The following PTPRD variants were observed in gnomAD, a reference collection of about 807,000 sequenced individuals.
PTPRD encodes the protein receptor-type tyrosine-protein phosphatase delta.
Under a neutral mutation model 214.5 loss-of-function variants are expected in PTPRD, and 34 were observed. That is an observed-to-expected ratio of 0.16 (90% CI 0.12 to 0.21). The LOEUF is 0.21. PTPRD is among the 10% of genes least tolerant of loss of function. PTPRD has a pLI of 1.00. For missense variants in PTPRD, 2,545 were observed against 2,398.7 expected, an observed-to-expected ratio of 1.06 and a Z score of -1.27; for synonymous variants, 1,128 against 845.7, an observed-to-expected ratio of 1.33 and a Z score of -5.79.
At chr9:9,092,504 T>A (rs531038198) in intron 10 of PTPRD, among the ~76,000 whole-genome samples, 1 of 152,180 alleles carries the variant, frequency 6.6e-6, no homozygotes, top group Non-Finnish European at 1.5e-5. Flanking sequence ...ATAAAGTGAA[T>A]AAATAAGATG....
chr9:10,229,380 C>A (rs1301801674), intron 3 of PTPRD, among the ~76,000 whole-genome samples: 1 of 152,030 alleles, frequency 6.6e-6, no homozygotes, highest in Non-Finnish European at 1.5e-5. Context: ...ATAAATCATG[C>A]TGCTATAAAG....
At chr9:10,438,015 A>AT (rs1300957016) in intron 2 of PTPRD, among the ~76,000 whole-genome samples, 1 of 136,258 alleles carries the variant, frequency 7.3e-6, no homozygotes, top group African/African-American at 3.3e-5. Flanking sequence ...CTACATATAT[A>AT]TATATATATA....
At chr9:9,655,544 G>C (rs2096488053) in intron 7 of PTPRD, among the ~76,000 whole-genome samples, 2 of 151,732 alleles carry the variant, frequency 1.3e-5, no homozygotes, top group African/African-American at 2.4e-5. Flanking sequence ...ACTCCAGCCT[G>C]GGTGATAAAA....
chr9:10,123,894 CT>C (rs2098795918), intron 3 of PTPRD, among the ~76,000 whole-genome samples: 1 of 152,176 alleles, frequency 6.6e-6, no homozygotes. Flanking sequence ...TGGCAAGTAT[CT>C]GGTGAATGTT....
chr9:8,408,927 T>A (rs1235058831), intron 35 of PTPRD, among the ~76,000 whole-genome samples: 3 of 152,206 alleles, frequency 2.0e-5, no homozygotes, highest in Non-Finnish European at 4.4e-5. Flanking sequence ...TACTTGCTAA[T>A]ATAAAACACT....
intron 10 of PTPRD, among the ~76,000 whole-genome samples, chr9:9,025,562 G>T (rs2099584179): frequency 6.6e-6 from 1 of 152,000 alleles, no homozygotes; most frequent in Non-Finnish European, 1.5e-5. Flanking sequence ...GGTTAGTGAA[G>T]TATGCCACAC....
chr9:9,037,304 T>A (rs568006123), intron 10 of PTPRD, among the ~76,000 whole-genome samples: 4 of 152,122 alleles, frequency 2.6e-5, no homozygotes, highest in African/African-American at 7.2e-5. Context: ...GCAAAATGTA[T>A]GTTTATATGT....
intron 11 of PTPRD, among the ~76,000 whole-genome samples, chr9:8,963,985 T>C (rs1262365576): frequency 6.6e-6 from 1 of 152,002 alleles, no homozygotes; most frequent in Non-Finnish European, 1.5e-5. Flanking sequence ...TGTCTATGTT[T>C]ATCAGGGATG....
At chr9:10,406,027 A>G (rs1207865391) in intron 2 of PTPRD, among the ~76,000 whole-genome samples, 1 of 151,316 alleles carries the variant, frequency 6.6e-6, no homozygotes, top group Non-Finnish European at 1.5e-5. Context: ...CCATTATAAG[A>G]TACATTAGCT....
At chr9:8,801,554 T>C (rs2096571124) in intron 11 of PTPRD, among the ~76,000 whole-genome samples, 1 of 151,918 alleles carries the variant, frequency 6.6e-6, no homozygotes, top group Non-Finnish European at 1.5e-5. Context: ...CCGTCTCTAC[T>C]AAAAATACAA....
intron 2 of PTPRD, among the ~76,000 whole-genome samples, chr9:10,356,562 A>G (rs1342995193): frequency 6.6e-6 from 1 of 152,366 alleles, no homozygotes; most frequent in Non-Finnish European, 1.5e-5. Context: ...AAAAGGATAC[A>G]TAACTACAGT....
At chr9:9,818,915 CAAAA>C (rs58616042) in intron 5 of PTPRD, among the ~76,000 whole-genome samples, 3,177 of 89,326 alleles carry the variant, frequency 0.036, 62 homozygotes, top group Middle Eastern at 0.055. Context: ...GACACTGTCT[CAAAA>C]AAAAAAAAAA....
intron 12 of PTPRD, among the ~76,000 whole-genome samples, chr9:8,656,686 T>C (rs1203105642): frequency 6.6e-6 from 1 of 152,218 alleles, no homozygotes; most frequent in Non-Finnish European, 1.5e-5. Flanking sequence ...GGAAGCTGAA[T>C]TGAAATATAT....
intron 11 of PTPRD, among the ~76,000 whole-genome samples, chr9:8,892,579 G>A (rs2098549391): frequency 6.7e-6 from 1 of 149,210 alleles, no homozygotes; most frequent in African/African-American, 2.5e-5. Flanking sequence ...GTATATATAT[G>A]TGTGTATATA....
intron 9 of PTPRD, among the ~76,000 whole-genome samples, chr9:9,212,475 T>A (rs1464509082): frequency 6.6e-6 from 1 of 152,312 alleles, no homozygotes; most frequent in Non-Finnish European, 1.5e-5. Flanking sequence ...ATTTTAACGC[T>A]ATTAATTGTA....
chr9:9,259,963 C>A (rs1356690711), intron 9 of PTPRD, among the ~76,000 whole-genome samples: 2 of 151,890 alleles, frequency 1.3e-5, no homozygotes, highest in East Asian at 2.0e-4. Flanking sequence ...TGCTTAGTGA[C>A]TTCTGAAAGG....
chr9:10,554,761 C>T (rs1440500552), intron 2 of PTPRD, among the ~76,000 whole-genome samples: 3 of 152,112 alleles, frequency 2.0e-5, no homozygotes, highest in Middle Eastern at 6.8e-3. Context: ...CCCGGCTTCA[C>T]GCCATTCTCC....
chr9:8,320,183 T>C (rs1241327940), intron 44 of PTPRD, among the ~76,000 whole-genome samples: 1 of 152,092 alleles, frequency 6.6e-6, no homozygotes, highest in Non-Finnish European at 1.5e-5. Flanking sequence ...GGAGTAAGTC[T>C]AATAAAAGGT....
intron 3 of PTPRD, among the ~76,000 whole-genome samples, chr9:10,328,857 T>C (rs2096696856): frequency 6.6e-6 from 1 of 151,798 alleles, no homozygotes; most frequent in Non-Finnish European, 1.5e-5. Context: ...TAGGACAAAA[T>C]GTCATTTCGA....
Sources: allele counts gnomAD v4.1 joint callset (sites outside exome capture counted in the v4.1 genomes callset), GRCh38; gene constraint gnomAD v4.1.1; transcripts MANE v1.5; gene names NCBI Gene and HGNC (gene_info 2026-07-23, HGNC 2026-07-21).